Variants in CMKLR1 observed in about 807,000 individuals in gnomAD.
The protein encoded by CMKLR1 is chemerin chemokine-like receptor 1.
Under a neutral mutation model 8.2 loss-of-function variants are expected in CMKLR1, and 6 were observed. The observed-to-expected ratio is 0.73, with a 90% CI of 0.40 to 1.44. CMKLR1 has a LOEUF of 1.44. Among genes scored for constraint, CMKLR1 ranks in the 40% most tolerant of loss-of-function variants. The probability of loss-of-function intolerance (pLI) is 0.02; values close to 1 mark genes in which losing one functional copy is unlikely to be tolerated. For synonymous variants in CMKLR1, 178 were observed against 181.2 expected (o/e 0.98, Z 0.14); for missense variants, 429 against 478.0 (o/e 0.90, Z 0.96).
chr12:108,324,057 G>A (rs577983055), intron 2 of CMKLR1, among the ~76,000 whole-genome samples: 3 of 152,264 alleles, frequency 2.0e-5, no homozygotes, highest in African/African-American at 7.2e-5. Flanking sequence ...CTCCAGCAGG[G>A]AGACCCCAGA....
rs1361015672 is a variant in CMKLR1, at chr12:108,288,460, T to C, written c.*3381A>G. The stretch of plus-strand genomic sequence containing the variant: ...TCTATCTTCTCCCACCCATCCAGGC[T>C]CCCAACCCCACCAGAGCTGACTCTG... On this transcript the variant is annotated 3_prime_UTR_variant, in exon 4 of 4. Coordinates refer to ENST00000550402, the MANE Select transcript of CMKLR1 (RefSeq NM_001142343.2). 1.3e-5 allele frequency: 2 copies of C among 152,166 alleles called. No individual in the cohort carries two copies. The highest frequency in any genetic ancestry group is 2.9e-5 in the Non-Finnish European group (2 of 68,062). 9.4% of individuals were successfully genotyped at this position (152,166 alleles called of 1,614,324 possible).
chr12:108,333,077 C>T (rs1054326985), intron 1 of CMKLR1, among the ~76,000 whole-genome samples: 23 of 152,210 alleles, frequency 1.5e-4, no homozygotes, highest in African/African-American at 4.3e-4. Flanking sequence ...ACCCTCTCTC[C>T]ATTGACTTCC....
intron 2 of CMKLR1, among the ~76,000 whole-genome samples, chr12:108,322,325 T>G (rs1239005191): frequency 6.6e-6 from 1 of 152,152 alleles, no homozygotes; most frequent in African/African-American, 2.4e-5. Context: ...CCCTTTGGGA[T>G]TTTAGGGAGA....
At chr12:108,306,065 C>G (rs1271754617) in intron 2 of CMKLR1, among the ~76,000 whole-genome samples, 1 of 152,204 alleles carries the variant, frequency 6.6e-6, no homozygotes, top group African/African-American at 2.4e-5. Flanking sequence ...CCGGGGATCT[C>G]TGTCTCCAGA....
At chr12:108,319,442 G>A (rs1429871350) in intron 2 of CMKLR1, among the ~76,000 whole-genome samples, 1 of 152,298 alleles carries the variant, frequency 6.6e-6, no homozygotes, top group Non-Finnish European at 1.5e-5. Context: ...AAGGGTACAG[G>A]TTCTGAAGCC....
chr12:108,309,324 C>G (rs1274533444), intron 2 of CMKLR1, among the ~76,000 whole-genome samples: 1 of 152,140 alleles, frequency 6.6e-6, no homozygotes, highest in Non-Finnish European at 1.5e-5. Flanking sequence ...AATTCCCCTC[C>G]CCCAGCATTT....
At chr12:108,316,563 G>A (rs1015713863) in intron 2 of CMKLR1, among the ~76,000 whole-genome samples, 1 of 152,162 alleles carries the variant, frequency 6.6e-6, no homozygotes, top group South Asian at 2.1e-4. Context: ...CAAGAAGAAA[G>A]GGACAAGGCT....
At chr12:108,320,433 T>G (rs1003611209) in intron 2 of CMKLR1, 2 of 152,144 alleles carry the variant, frequency 1.3e-5, no homozygotes, top group African/African-American at 4.8e-5. Flanking sequence ...ACTCCAGGGA[T>G]CCGGGACTCA....
intron 2 of CMKLR1, among the ~76,000 whole-genome samples, chr12:108,324,926 T>C (rs372464302): frequency 6.6e-6 from 1 of 152,028 alleles, no homozygotes; most frequent in Non-Finnish European, 1.5e-5. Flanking sequence ...ACCCTGTCAA[T>C]ACCCAGGGCC....
chr12:108,316,298 G>T (rs1288031860), intron 2 of CMKLR1, among the ~76,000 whole-genome samples: 1 of 152,120 alleles, frequency 6.6e-6, no homozygotes, highest in African/African-American at 2.4e-5. Flanking sequence ...GCAGGGGCTC[G>T]GCGGGATAGG....
At chr12:108,322,364 C>T (rs1891881980) in intron 2 of CMKLR1, among the ~76,000 whole-genome samples, 1 of 152,206 alleles carries the variant, frequency 6.6e-6, no homozygotes. Context: ...CCGGCTGAAA[C>T]TCTACCTCTG....
intron 2 of CMKLR1, among the ~76,000 whole-genome samples, chr12:108,320,937 G>C (rs974457085): frequency 1.3e-5 from 2 of 152,222 alleles, no homozygotes; most frequent in Non-Finnish European, 2.9e-5. Context: ...GGATGTTTTT[G>C]GTGCCTAGTC....
At position 108,307,429 on chromosome 12, in the gene CMKLR1, C is replaced by T. The variant is rs151120110; in HGVS notation, c.-73-13765G>A. Among the ~76,000 whole-genome samples the T allele has an allele frequency of 5.7e-3, 873 of 152,298 alleles. 1 individual carries two copies. Among genetic ancestry groups the T allele is most frequent in the Admixed American group, 0.011 (164 of 15,304 alleles). On this transcript the variant is annotated intron_variant, in intron 2 of 3. Coordinates refer to ENST00000550402, the MANE Select transcript of CMKLR1 (RefSeq NM_001142343.2). Reference sequence around the variant, plus strand: ...CAGCACAGCTCACCCTCTGCCCTTGCTTCTCTTCTCTGGCACCCTGAGATA... The same window carrying T: ...CAGCACAGCTCACCCTCTGCCCTTGTTTCTCTTCTCTGGCACCCTGAGATA...
intron 1 of CMKLR1, among the ~76,000 whole-genome samples, chr12:108,334,834 T>C (rs1892184283): frequency 6.6e-6 from 1 of 152,208 alleles, no homozygotes; most frequent in South Asian, 2.1e-4. Flanking sequence ...GGCCTTTCCA[T>C]GTAGGCTTGT....
intron 2 of CMKLR1, among the ~76,000 whole-genome samples, chr12:108,307,864 G>T (rs1403654484): frequency 1.3e-5 from 2 of 152,124 alleles, no homozygotes; most frequent in Non-Finnish European, 2.9e-5. Context: ...CACTTCTGGG[G>T]CATGTGGACC....
chr12:108,323,695 C>T (rs1891913364), intron 2 of CMKLR1, among the ~76,000 whole-genome samples: 1 of 152,212 alleles, frequency 6.6e-6, no homozygotes, highest in Non-Finnish European at 1.5e-5. Context: ...ATGTGTAGGA[C>T]TTGGGGTGCA....
intron 2 of CMKLR1, among the ~76,000 whole-genome samples, chr12:108,324,572 AG>A (rs1438544649): frequency 6.6e-6 from 1 of 152,204 alleles, no homozygotes; most frequent in Non-Finnish European, 1.5e-5. Flanking sequence ...AAGACTTCCA[AG>A]GGGCTCCACT....
intron 1 of CMKLR1, among the ~76,000 whole-genome samples, chr12:108,334,231 T>C (rs749603406): frequency 1.3e-5 from 2 of 152,276 alleles, no homozygotes; most frequent in Non-Finnish European, 2.9e-5. Context: ...AGTGAATTAA[T>C]AAAAGTATAT....
At chr12:108,317,388 A>AT (rs1310253619) in intron 2 of CMKLR1, among the ~76,000 whole-genome samples, 2 of 152,220 alleles carry the variant, frequency 1.3e-5, no homozygotes, top group African/African-American at 4.8e-5. Context: ...ACTATGAGAC[A>AT]TAGGTATTGA....
Sources: allele counts gnomAD v4.1 joint callset (sites outside exome capture counted in the v4.1 genomes callset), GRCh38; gene constraint gnomAD v4.1.1; transcripts MANE v1.5; gene names NCBI Gene and HGNC (gene_info 2026-07-23, HGNC 2026-07-21).